GON4L: variants seen among roughly 807,000 people sequenced by gnomAD.
The protein encoded by GON4L is GON-4-like protein.
GON4L carries 87 observed loss-of-function variants against 211.8 expected under a neutral mutation model. That is an observed-to-expected ratio of 0.41 (90% confidence interval 0.35 to 0.49). The LOEUF (loss-of-function observed/expected upper bound fraction) is 0.49, where lower values mean the gene tolerates loss of function less well. Among genes scored for constraint, GON4L ranks in the 20% least tolerant of loss-of-function variants. The pLI is 0.15. For synonymous variants in GON4L, 875 were observed against 962.6 expected, an observed-to-expected ratio of 0.91 and a Z score of 1.68; for missense variants, 2,155 against 2,659.5, an observed-to-expected ratio of 0.81 and a Z score of 4.17.
intron 5 of GON4L, 103 bp downstream of exon 5, chr1:155,821,371 A>T: frequency 1.4e-6 from 1 of 736,672 alleles, no homozygotes; most frequent in Non-Finnish European, 2.5e-6. Context: ...CTTTAACCCC[A>T]GCTGCCAAAC....
chr1:155,779,518 T>C (rs949662484), intron 14 of GON4L, among the ~76,000 whole-genome samples: 11 of 151,844 alleles, frequency 7.2e-5, no homozygotes, highest in Non-Finnish European at 1.3e-4. Context: ...GGTTTCATCA[T>C]GTTGGCCAGG....
chr1:155,834,965 G>A (rs1339764329), intron 2 of GON4L, among the ~76,000 whole-genome samples: 7 of 151,908 alleles, frequency 4.6e-5, no homozygotes, highest in Admixed American at 3.9e-4. Context: ...CCACCACCCC[G>A]TCTGGGAGGT....
intron 21 of GON4L, 74 bp from the exon 22 acceptor site, chr1:155,763,638 C>G (rs1371140559): frequency 7.8e-7 from 1 of 1,289,146 alleles, no homozygotes; most frequent in South Asian, 1.5e-5. Flanking sequence ...AAAGCTATAT[C>G]AGGATAATCT....
At chr1:155,812,048 C>T (rs1667841743) in intron 10 of GON4L, among the ~76,000 whole-genome samples, 1 of 151,374 alleles carries the variant, frequency 6.6e-6, no homozygotes. Flanking sequence ...GAGACTCCAT[C>T]TAGGAAAAAA....
intron 12 of GON4L, among the ~76,000 whole-genome samples, chr1:155,789,610 TA>T (rs56189339): frequency 4.4e-4 from 64 of 144,550 alleles, no homozygotes; most frequent in Non-Finnish European, 4.4e-4. Context: ...TGTCTGAATT[TA>T]AAAAAAAAAA....
intron 6 of GON4L, among the ~76,000 whole-genome samples, chr1:155,819,247 G>A (rs751130207): frequency 2.2e-4 from 34 of 151,962 alleles, no homozygotes; most frequent in Non-Finnish European, 4.4e-4. Context: ...AGGTTGCAGT[G>A]AGCCAGAATT....
In GON4L at chr1:155,795,002, C is replaced by T. The variant is rs1211939749; in HGVS notation, c.1747+48G>A. 11 of 1,037,642 alleles carry T rather than the reference C, an allele frequency of 1.1e-5. No individual in the cohort carries two copies. In the Admixed American group the frequency reaches 1.7e-4, roughly 16 times the overall value. The allele number at this position is 1,037,642 out of a possible 1,614,324, so 64.3% of individuals were successfully genotyped here. A position where few individuals can be genotyped will look rare whatever the true frequency, so the allele number is the denominator to read the frequency against. On this transcript the variant is annotated intron_variant, in intron 12 of 31. Coordinates refer to ENST00000368331, the MANE Select transcript of GON4L (RefSeq NM_001282860.2). ...TAAAAATCTACAAAGTAAACAAAGA[C>T]AGCTGCAAAGCAGTCAAGAGCAGGA...
chr1:155,765,815 T>C lies in GON4L; in HGVS notation c.3658A>G (p.Thr1220Ala). The change falls in exon 21 of 32, where the codon ACC becomes GCC. Residue 1220 changes from threonine (T) to alanine (A), a missense_variant. By Grantham distance (58) the Thr-to-Ala change is moderately conservative. Coordinates refer to ENST00000368331, the MANE Select transcript of GON4L (RefSeq NM_001282860.2). ...GNSVNLPIPSTPEDKAHVNVD... is the reference protein window; with the variant it reads ...GNSVNLPIPSAPEDKAHVNVD... ...TTCACGTGGGCCTTATCTTCAGGGG[T>C]GGATGGTATAGGAAGATTCACAGAA... 1.2e-6 allele frequency: 2 copies of C among 1,613,612 alleles called. No individual in the cohort carries two copies. The highest frequency in any genetic ancestry group is 1.7e-6 in the Non-Finnish European group (2 of 1,179,940).
intron 18 of GON4L, among the ~76,000 whole-genome samples, chr1:155,772,212 C>T (rs956231635): frequency 5.9e-5 from 9 of 151,704 alleles, no homozygotes; most frequent in Admixed American, 2.0e-4. Context: ...AGGCATAAAT[C>T]ATTAATAAAC....
At chr1:155,857,726 C>CA (rs66538874), upstream of GON4L, among the ~76,000 whole-genome samples, 13 of 146,624 alleles carry the variant, frequency 8.9e-5, no homozygotes, top group African/African-American at 3.0e-4. Flanking sequence ...GACTCTGTAT[C>CA]AAAAAAAAAA....
intron 2 of GON4L, among the ~76,000 whole-genome samples, chr1:155,835,328 C>CG: frequency 6.6e-6 from 1 of 152,028 alleles, no homozygotes; most frequent in Non-Finnish European, 1.5e-5. Flanking sequence ...ACAAACACTG[C>CG]GGAAGGCCGC....
intron 2 of GON4L, among the ~76,000 whole-genome samples, chr1:155,842,787 A>C (rs1265078317): frequency 1.3e-5 from 2 of 152,070 alleles, no homozygotes; most frequent in Non-Finnish European, 2.9e-5. Context: ...CAGTGAGCCA[A>C]GATAGCACCA....
At chr1:155,813,016 G>A (rs780653879) in intron 10 of GON4L, among the ~76,000 whole-genome samples, 1 of 152,202 alleles carries the variant, frequency 6.6e-6, no homozygotes, top group Admixed American at 6.6e-5. Context: ...TACAGAGAAA[G>A]AGGAAGAGAA....
chr1:155,806,458 A>G (rs1553209627), intron 10 of GON4L, among the ~76,000 whole-genome samples: 1 of 151,370 alleles, frequency 6.6e-6, no homozygotes, highest in African/African-American at 2.4e-5. Flanking sequence ...AATTTTTTTC[A>G]TTTTTTGTAG....
chr1:155,802,404 A>G (rs1666759959), intron 11 of GON4L, among the ~76,000 whole-genome samples: 1 of 152,144 alleles, frequency 6.6e-6, no homozygotes, highest in African/African-American at 2.4e-5. Context: ...ACAGTGAAAA[A>G]AGAGAAAACT....
chr1:155,791,348 T>C (rs1384437021), intron 12 of GON4L, among the ~76,000 whole-genome samples: 1 of 152,048 alleles, frequency 6.6e-6, no homozygotes, highest in Non-Finnish European at 1.5e-5. Context: ...CATAATAAGA[T>C]GTAACAGGGG....
intron 2 of GON4L, among the ~76,000 whole-genome samples, chr1:155,833,673 A>G (rs866293267): frequency 7.1e-4 from 70 of 98,480 alleles, no homozygotes; most frequent in Admixed American, 1.3e-3. Context: ...AAAAAAAAAA[A>G]GGGAAGGAAG....
At position 155,766,019 on chromosome 1, in the gene GON4L, C is replaced by T; in HGVS notation, c.3454G>A (p.Val1152Met). Reference protein sequence around the residue: ...SVIFTVPATTVKIVSLGGGCN... With the variant: ...SVIFTVPATTMKIVSLGGGCN... ...CCACCGCCAAGGCTCACAATCTTCACAGTGGTAGCAGGAACAGTGAAGATA... is the reference window on the plus strand; with the variant it reads ...CCACCGCCAAGGCTCACAATCTTCATAGTGGTAGCAGGAACAGTGAAGATA... The change falls in exon 21 of 32, where the codon GTG becomes ATG. Residue 1152 changes from valine (V) to methionine (M), a missense_variant. This residue lies in a region of GON4L where 615 missense variants were observed against 625.7 expected (regional missense o/e 0.98). Coordinates refer to ENST00000368331, the MANE Select transcript of GON4L (RefSeq NM_001282860.2). 6.2e-7 allele frequency: 1 copy of T among 1,614,144 alleles called. No homozygotes were observed. The highest frequency in any genetic ancestry group is 8.5e-7 in the Non-Finnish European group (1 of 1,180,046).
chr1:155,848,369 T>C (rs1671450378), intron 2 of GON4L, among the ~76,000 whole-genome samples: 1 of 152,170 alleles, frequency 6.6e-6, no homozygotes, highest in South Asian at 2.1e-4. Context: ...CTCTGAGCAG[T>C]GTTAATCATT....
Sources: gnomAD v4.1 joint callset for allele counts (sites outside exome capture counted in the v4.1 genomes callset) on GRCh38, gnomAD v4.1.1 for gene constraint, gnomAD v4.1.1 regional missense constraint, MANE v1.5 for transcripts, NCBI Gene and HGNC (gene_info 2026-07-23, HGNC 2026-07-21) for gene names.